CCDC138: variants seen among roughly 807,000 people sequenced by gnomAD.
CCDC138 encodes the protein coiled-coil domain containing 138.
A neutral mutation model predicts 82.3 loss-of-function variants in CCDC138; 66 were observed. That is an observed-to-expected ratio of 0.80 (90% CI 0.66 to 0.98). CCDC138 has a LOEUF of 0.98. CCDC138 is among the 50% of genes least tolerant of loss of function. The probability of loss-of-function intolerance (pLI) is 0.00; values close to 1 mark genes in which losing one functional copy is unlikely to be tolerated. For missense variants in CCDC138, 816 were observed against 758.9 expected (o/e 1.08, Z -0.88); for synonymous variants, 297 against 265.4 (o/e 1.12, Z -1.16).
chr2:108,854,059 TATATATTTTATATATA>T (rs1558738898), intron 12 of CCDC138, among the ~76,000 whole-genome samples: 1 of 119,276 alleles, frequency 8.4e-6, no homozygotes, highest in African/African-American at 3.8e-5. Flanking sequence ...ATTTATATTA[TATATATTTTATATATA>T]ATATAATAAA....
chr2:108,840,747 A>T (rs1283277760), intron 11 of CCDC138, among the ~76,000 whole-genome samples: 1 of 150,278 alleles, frequency 6.7e-6, no homozygotes, highest in East Asian at 2.0e-4. Flanking sequence ...CTGTTTCTCC[A>T]TTTTATTGAT....
At chr2:108,814,133 C>T (rs1303244830) in intron 9 of CCDC138, among the ~76,000 whole-genome samples, 2 of 152,016 alleles carry the variant, frequency 1.3e-5, no homozygotes, top group Non-Finnish European at 2.9e-5. Context: ...GTCATAAGGT[C>T]GATAAAGGTA....
chr2:108,811,521 G>A (rs1167172716), intron 7 of CCDC138, among the ~76,000 whole-genome samples: 1 of 152,040 alleles, frequency 6.6e-6, no homozygotes, highest in Non-Finnish European at 1.5e-5. Flanking sequence ...GGGATTACAG[G>A]TGTGAGCTAC....
intron 7 of CCDC138, among the ~76,000 whole-genome samples, chr2:108,806,460 T>G (rs1682896170): frequency 6.6e-6 from 1 of 152,186 alleles, no homozygotes; most frequent in Non-Finnish European, 1.5e-5. Context: ...CTGAAAAAAT[T>G]TGGCAGAATG....
intron 10 of CCDC138, among the ~76,000 whole-genome samples, chr2:108,817,978 G>C (rs1015859164): frequency 6.6e-6 from 1 of 152,098 alleles, no homozygotes. Flanking sequence ...AAGGCCTGCC[G>C]TATTAAAGTT....
At chr2:108,849,582 G>A (rs1691092650) in intron 12 of CCDC138, among the ~76,000 whole-genome samples, 1 of 152,026 alleles carries the variant, frequency 6.6e-6, no homozygotes, top group African/African-American at 2.4e-5. Flanking sequence ...CTTCACACTT[G>A]TTGTGAACGA....
At chr2:108,829,924 A>G (rs1282038373) in intron 10 of CCDC138, among the ~76,000 whole-genome samples, 1 of 152,196 alleles carries the variant, frequency 6.6e-6, no homozygotes, top group Non-Finnish European at 1.5e-5. Flanking sequence ...TTCTGGATAT[A>G]TATTCAAAAT....
At chr2:108,805,569 C>CA (rs5833306) in intron 7 of CCDC138, among the ~76,000 whole-genome samples, 118,921 of 149,894 alleles carry the variant, frequency 0.79, 47,477 homozygotes, top group East Asian at 0.95. Context: ...ACCAAAAATA[C>CA]AAAAAAAAAT....
chr2:108,812,177 C>T (rs1683971443), intron 7 of CCDC138, among the ~76,000 whole-genome samples: 1 of 152,056 alleles, frequency 6.6e-6, no homozygotes, highest in African/African-American at 2.4e-5. Context: ...ACTCAATATT[C>T]TTCCTTTCCA....
chr2:108,858,186 A>C (rs1692945858), intron 13 of CCDC138, among the ~76,000 whole-genome samples: 1 of 152,206 alleles, frequency 6.6e-6, no homozygotes, highest in South Asian at 2.1e-4. Flanking sequence ...TGTACTAAAA[A>C]TATAAAAATT....
At chr2:108,845,796 C>T (rs574255479) in intron 11 of CCDC138, among the ~76,000 whole-genome samples, 18 of 152,206 alleles carry the variant, frequency 1.2e-4, no homozygotes, top group Non-Finnish European at 2.2e-4. Context: ...TGGTCTCGAT[C>T]TCCTGACCTC....
intron 5 of CCDC138, among the ~76,000 whole-genome samples, chr2:108,796,404 C>A (rs1467688191): frequency 8.5e-5 from 13 of 152,154 alleles, no homozygotes; most frequent in Admixed American, 8.5e-4. Context: ...GTAAGTACAG[C>A]CACTGTGGAA....
chr2:108,877,415 A>C (rs1042858824), downstream of CCDC138, among the ~76,000 whole-genome samples: 1 of 152,144 alleles, frequency 6.6e-6, no homozygotes, highest in African/African-American at 2.4e-5. Context: ...CCAGTGAGCC[A>C]AGATCACGCC....
chr2:108,840,375 T>A (rs1689248057), intron 11 of CCDC138, among the ~76,000 whole-genome samples: 1 of 152,206 alleles, frequency 6.6e-6, no homozygotes, highest in Admixed American at 6.5e-5. Flanking sequence ...TCTTATCCTT[T>A]ATATTTTCTG....
intron 12 of CCDC138, among the ~76,000 whole-genome samples, chr2:108,852,900 TAAA>T (rs1238990930): frequency 6.6e-6 from 1 of 151,868 alleles, no homozygotes. Flanking sequence ...TAAAATAAAA[TAAA>T]AAAACCCAAC....
chr2:108,795,947 T>A (rs1163414000), intron 5 of CCDC138, among the ~76,000 whole-genome samples: 2 of 152,230 alleles, frequency 1.3e-5, no homozygotes, highest in Non-Finnish European at 2.9e-5. Flanking sequence ...TAGGCAAGAT[T>A]GCAAGGATGT....
intron 11 of CCDC138, among the ~76,000 whole-genome samples, chr2:108,841,217 T>C (rs1205941014): frequency 2.0e-5 from 3 of 152,176 alleles, no homozygotes; most frequent in African/African-American, 7.2e-5. Flanking sequence ...GGTTGTTTTA[T>C]GGCTGAGAAT....
chr2:108,864,428 T>G (rs1694087589), intron 13 of CCDC138, among the ~76,000 whole-genome samples: 1 of 152,014 alleles, frequency 6.6e-6, no homozygotes, highest in African/African-American at 2.4e-5. Flanking sequence ...TTTGGGAGGC[T>G]TAGGAGGGAG....
At chr2:108,807,257 A>G (rs577076232) in intron 7 of CCDC138, among the ~76,000 whole-genome samples, 2 of 152,238 alleles carry the variant, frequency 1.3e-5, no homozygotes, top group Non-Finnish European at 2.9e-5. Flanking sequence ...TTCATTAGAG[A>G]ATTCCTAGCA....
Sources: allele counts gnomAD v4.1 joint callset (sites outside exome capture counted in the v4.1 genomes callset), GRCh38; gene constraint gnomAD v4.1.1; transcripts MANE v1.5; gene names NCBI Gene and HGNC (gene_info 2026-07-23, HGNC 2026-07-21).